The following CDH11 variants were observed in gnomAD, a reference collection of about 807,000 sequenced individuals.
CDH11 encodes the protein cadherin-11.
CDH11 carries 11 observed loss-of-function variants against 67.8 expected under a neutral mutation model. The observed-to-expected ratio is 0.16, with a 90% CI of 0.10 to 0.27. The LOEUF is 0.27. Among genes scored for constraint, CDH11 ranks in the 10% least tolerant of loss-of-function variants. The pLI is 1.00. For missense variants in CDH11, 847 were observed against 1,031.2 expected, an observed-to-expected ratio of 0.82 and a Z score of 2.45; for synonymous variants, 419 against 400.0, an observed-to-expected ratio of 1.05 and a Z score of -0.57.
intron 2 of CDH11, among the ~76,000 whole-genome samples, chr16:65,031,851 T>C (rs954090821): frequency 2.6e-5 from 4 of 152,106 alleles, no homozygotes; most frequent in African/African-American, 7.2e-5. Flanking sequence ...CAATTAACCA[T>C]GAAAAAATAG....
In CDH11 at chr16:65,056,352, C is replaced by T. The variant is rs571298707; in HGVS notation, c.-297-2424G>A. 4.8e-3 allele frequency among the ~76,000 whole-genome samples: 737 copies of T among 152,172 alleles called. 4 individuals are homozygous for T. The highest frequency in any genetic ancestry group is 8.4e-3 in the Non-Finnish European group (571 of 68,034). Reference sequence around the variant, plus strand: ...TGACTAAAGATGCCATCTTGGACACCTAATACATAAAAATATTCATGTAAC... The same window carrying T: ...TGACTAAAGATGCCATCTTGGACACTTAATACATAAAAATATTCATGTAAC... On this transcript the variant is annotated intron_variant, in intron 1 of 12. Coordinates refer to ENST00000268603, the MANE Select transcript of CDH11 (RefSeq NM_001797.4).
chr16:65,082,386 T>A (rs1230831993), intron 1 of CDH11, among the ~76,000 whole-genome samples: 1 of 152,122 alleles, frequency 6.6e-6, no homozygotes, highest in Non-Finnish European at 1.5e-5. Flanking sequence ...TAGAAACAAG[T>A]GCCAGGTAGT....
Position 64,946,335 on chromosome 16 carries a change from G to T in CDH11, c.*1268C>A. 9.6e-7 allele frequency: 1 copy of T among 1,041,190 alleles called. No homozygotes were observed. The highest frequency in any genetic ancestry group is 1.2e-6 in the Non-Finnish European group (1 of 864,598). The allele number at this position is 1,041,190 out of a possible 1,614,324, so 64.5% of individuals were successfully genotyped here. On this transcript the variant is annotated 3_prime_UTR_variant, in exon 13 of 13. Coordinates refer to ENST00000268603, the MANE Select transcript of CDH11 (RefSeq NM_001797.4). The stretch of plus-strand genomic sequence containing the variant: ...GGGCAAATTTATATTTTTGACTCTA[G>T]TCCCCCAGTTCCCCAGTGCTCAGTG...
chr16:65,057,109 C>A (rs910250990), intron 1 of CDH11, among the ~76,000 whole-genome samples: 5 of 152,122 alleles, frequency 3.3e-5, no homozygotes, highest in African/African-American at 1.2e-4. Flanking sequence ...GTTGATGGAG[C>A]TAAGATGGCT....
At chr16:65,118,237 G>C (rs2075276459) in intron 1 of CDH11, among the ~76,000 whole-genome samples, 1 of 152,294 alleles carries the variant, frequency 6.6e-6, no homozygotes, top group Non-Finnish European at 1.5e-5. Flanking sequence ...CTCAATGTCA[G>C]GGTAAAATTA....
At chr16:65,069,305 A>G (rs2074374034) in intron 1 of CDH11, among the ~76,000 whole-genome samples, 1 of 152,360 alleles carries the variant, frequency 6.6e-6, no homozygotes, top group Non-Finnish European at 1.5e-5. Context: ...CAATAATGTA[A>G]AAATATTTCT....
intron 1 of CDH11, among the ~76,000 whole-genome samples, chr16:65,103,450 T>C (rs1011148233): frequency 6.6e-6 from 1 of 152,174 alleles, no homozygotes; most frequent in Non-Finnish European, 1.5e-5. Context: ...GATGCCTACA[T>C]GAGGAAATAA....
chr16:64,979,054 TACA>T (rs2072256664), intron 8 of CDH11, among the ~76,000 whole-genome samples: 5 of 152,234 alleles, frequency 3.3e-5, no homozygotes, highest in Admixed American at 3.3e-4. Flanking sequence ...AAAGAGCTCT[TACA>T]ACAACAGTAA....
At position 65,053,785 on chromosome 16, in the gene CDH11, T is replaced by C; in HGVS notation, c.-173+19A>G. On this transcript the variant is annotated intron_variant, in intron 2 of 12. Transcript: ENST00000268603. ...ACATAGTAATATGTGAATTGTTCAG[T>C]AATATTAGTCCAACTTACCTTCTTC... 2.2e-6 allele frequency: 1 copy of C among 456,008 alleles called. No individual in the cohort carries two copies. The highest frequency in any genetic ancestry group is 1.5e-5 in the South Asian group (1 of 64,542). 28.2% of individuals were successfully genotyped at this position (456,008 alleles called of 1,614,324 possible).
At chr16:65,004,142 G>T (rs147531286) in intron 3 of CDH11, among the ~76,000 whole-genome samples, 58 of 152,274 alleles carry the variant, frequency 3.8e-4, no homozygotes, top group African/African-American at 1.4e-3. Flanking sequence ...TGATGAGGGA[G>T]GATCACTTAG....
chr16:64,973,745 G>A (rs2072078064), intron 8 of CDH11, among the ~76,000 whole-genome samples: 1 of 152,110 alleles, frequency 6.6e-6, no homozygotes, highest in Non-Finnish European at 1.5e-5. Flanking sequence ...AGCGGAGGCT[G>A]CAGTTAGCCA....
intron 1 of CDH11, among the ~76,000 whole-genome samples, chr16:65,082,680 C>G (rs2074631012): frequency 6.6e-6 from 1 of 152,134 alleles, no homozygotes; most frequent in Non-Finnish European, 1.5e-5. Flanking sequence ...AGGTGTAATA[C>G]CCAATTAAAG....
At position 64,991,887 on chromosome 16, in the gene CDH11, T is replaced by A; in HGVS notation, c.692A>T (p.Glu231Val). 6.2e-7 allele frequency: 1 copy of A among 1,613,822 alleles called. No individual in the cohort carries two copies. The highest frequency in any genetic ancestry group is 1.1e-5 in the South Asian group (1 of 91,036). The change falls in exon 6 of 13, where the codon GAG (glutamate) becomes GTG (valine). Residue 231 changes from glutamate (E) to valine (V), a missense_variant. By Grantham distance (121) the Glu-to-Val change is moderately radical. Transcript: ENST00000268603. ...LPNMDREAKE[E>V]YHVVIQAKDM... The stretch of plus-strand genomic sequence containing the variant: ...CTTGGCCTGGATCACCACGTGGTAC[T>A]CCTCCTTGGCCTCCCTGTCCATGTT...
chr16:65,103,887 T>C (rs2075030007), intron 1 of CDH11, among the ~76,000 whole-genome samples: 2 of 152,204 alleles, frequency 1.3e-5, no homozygotes, highest in Admixed American at 1.3e-4. Context: ...TATTGTGTTA[T>C]AGTTTTGATA....
Position 64,946,515 on chromosome 16 carries a change from A to T in CDH11, c.*1088T>A. The T allele has an allele frequency of 9.7e-7, 1 of 1,031,230 alleles. No individual in the cohort carries two copies. The highest frequency in any genetic ancestry group is 1.2e-6 in the Non-Finnish European group (1 of 857,472). 63.9% of individuals were successfully genotyped at this position (1,031,230 alleles called of 1,614,324 possible). On this transcript the variant is annotated 3_prime_UTR_variant, in exon 13 of 13. Transcript: ENST00000268603. ...TCATAGACTGACCTAGTTCTTTCAC[A>T]TCCTTCTTTTTTAGAAGATGTGTGT...
intron 2 of CDH11, among the ~76,000 whole-genome samples, chr16:65,030,199 C>G (rs2073615067): frequency 6.6e-6 from 1 of 152,102 alleles, no homozygotes; most frequent in Non-Finnish European, 1.5e-5. Flanking sequence ...ACTAGGGGAG[C>G]CAGATTTGGC....
At chr16:65,058,251 A>G (rs1386194932) in intron 1 of CDH11, among the ~76,000 whole-genome samples, 1 of 152,224 alleles carries the variant, frequency 6.6e-6, no homozygotes, top group Non-Finnish European at 1.5e-5. Context: ...ACAAACAAAC[A>G]AAAAGCCACC....
chr16:65,079,627 T>C (rs1431305630), intron 1 of CDH11, among the ~76,000 whole-genome samples: 1 of 152,164 alleles, frequency 6.6e-6, no homozygotes, highest in Non-Finnish European at 1.5e-5. Context: ...CATAGCCTTG[T>C]TCCTCTCTAC....
intron 2 of CDH11, among the ~76,000 whole-genome samples, chr16:65,049,547 G>A (rs552805364): frequency 6.6e-6 from 1 of 152,038 alleles, no homozygotes; most frequent in South Asian, 2.1e-4. Flanking sequence ...CTGGTACAAG[G>A]GCATGCTCAG....
Sources: gnomAD v4.1 joint callset for allele counts (sites outside exome capture counted in the v4.1 genomes callset) on GRCh38, gnomAD v4.1.1 for gene constraint, MANE v1.5 for transcripts, NCBI Gene and HGNC (gene_info 2026-07-23, HGNC 2026-07-21) for gene names.